DENND2A: variants seen among roughly 807,000 people sequenced by gnomAD.
The protein encoded by DENND2A is DENN domain-containing protein 2A.
DENND2A carries 53 observed loss-of-function variants against 105.3 expected under a neutral mutation model. The ratio of observed to expected loss-of-function variants is 0.50; its 90% confidence interval spans 0.40 to 0.63. DENND2A has a LOEUF of 0.63. DENND2A is among the 30% of genes least tolerant of loss of function. DENND2A has a pLI of 0.00. For synonymous variants in DENND2A, 522 were observed against 508.4 expected (o/e 1.03, Z -0.36); for missense variants, 1,138 against 1,279.6 (o/e 0.89, Z 1.69).
chr7:140,610,025 G>A (rs375582256), intron 1 of DENND2A: 2 of 152,114 alleles, frequency 1.3e-5, no homozygotes, highest in Non-Finnish European at 2.9e-5. Context: ...GAGTACAGTG[G>A]TGTGATGATG....
At chr7:140,597,128 AAAG>A (rs1799314764) in intron 3 of DENND2A, among the ~76,000 whole-genome samples, 1 of 152,222 alleles carries the variant, frequency 6.6e-6, no homozygotes, top group Non-Finnish European at 1.5e-5. Context: ...AGAAAAGAAA[AAAG>A]AAGAGAGAGA....
intron 13 of DENND2A, 69 bp downstream of exon 13, chr7:140,546,730 C>T: frequency 6.3e-7 from 1 of 1,583,634 alleles, no homozygotes; most frequent in Non-Finnish European, 8.6e-7. Flanking sequence ...GGCAGCCCCT[C>T]TGAGCACGGA....
intron 1 of DENND2A, among the ~76,000 whole-genome samples, chr7:140,623,621 G>A (rs1284720113): frequency 3.3e-5 from 5 of 151,668 alleles, no homozygotes; most frequent in African/African-American, 4.8e-5. Flanking sequence ...CCAGCTACTC[G>A]GGAGGCTGAG....
At position 140,616,951 on chromosome 7, in the gene DENND2A, G is replaced by A. The variant is rs530860933; in HGVS notation, c.-247-11145C>T. On this transcript the variant is annotated intron_variant, in intron 1 of 19. Transcript: ENST00000496613. ...CAGCTCACTGCAACCTCTGCCACCC[G>A]GGTTCAAGCGATTCTTGTGCCTCAG... Among the ~76,000 whole-genome samples the A allele has an allele frequency of 5.3e-4, 81 of 152,272 alleles. 1 individual carries two copies. The highest frequency in any genetic ancestry group is 1.8e-3 in the African/African-American group (74 of 41,554).
intron 11 of DENND2A, among the ~76,000 whole-genome samples, chr7:140,557,415 G>A (rs1295656926): frequency 1.4e-5 from 2 of 146,252 alleles, no homozygotes; most frequent in South Asian, 4.5e-4. Flanking sequence ...TGAAATAAAA[G>A]TATTTTCTTT....
intron 12 of DENND2A, among the ~76,000 whole-genome samples, chr7:140,548,709 G>A (rs985164818): frequency 6.6e-6 from 1 of 150,480 alleles, no homozygotes; most frequent in Non-Finnish European, 1.5e-5. Context: ...TGCCTCCTGG[G>A]TTCAAGCAAT....
chr7:140,542,413 G>T (rs1796700189), intron 14 of DENND2A, among the ~76,000 whole-genome samples: 1 of 152,040 alleles, frequency 6.6e-6, no homozygotes, highest in Non-Finnish European at 1.5e-5. Flanking sequence ...GGTGAGGAGG[G>T]ATGCCCTCAC....
intron 1 of DENND2A, among the ~76,000 whole-genome samples, chr7:140,632,879 T>TC (rs1800781430): frequency 6.9e-6 from 1 of 144,724 alleles, no homozygotes; most frequent in African/African-American, 2.6e-5. Flanking sequence ...TTTTTTTTTT[T>TC]TTGAGACAGT....
At position 140,602,499 on chromosome 7, in the gene DENND2A, G is replaced by A; in HGVS notation, c.-102C>T. The A allele has an allele frequency of 7.7e-7, 1 of 1,297,446 alleles. No individual in the cohort carries two copies. Among genetic ancestry groups the A allele is most frequent in the Non-Finnish European group, 1.0e-6 (1 of 976,076 alleles). The allele number at this position is 1,297,446 out of a possible 1,614,324, so 80.4% of individuals were successfully genotyped here. On this transcript the variant is annotated 5_prime_UTR_variant, in exon 3 of 20. Transcript: ENST00000496613. ...AATGGAATGGAGGACTAAAGTGGAT[G>A]CCTTCGAGGGTCTTTCTCAGTCCTT... is the stretch of plus-strand genomic sequence containing the variant.
At chr7:140,570,944 C>G (rs1798068527) in intron 6 of DENND2A, among the ~76,000 whole-genome samples, 1 of 152,148 alleles carries the variant, frequency 6.6e-6, no homozygotes, top group Non-Finnish European at 1.5e-5. Context: ...TTTGCTGGGT[C>G]CCCCAGGGCT....
At chr7:140,620,807 G>C (rs965422026) in intron 1 of DENND2A, among the ~76,000 whole-genome samples, 1 of 151,910 alleles carries the variant, frequency 6.6e-6, no homozygotes, top group Non-Finnish European at 1.5e-5. Flanking sequence ...CCAAGATTTA[G>C]ATCCTGTTCT....
At chr7:140,540,998 G>A (rs527770426) in intron 14 of DENND2A, among the ~76,000 whole-genome samples, 2 of 152,230 alleles carry the variant, frequency 1.3e-5, no homozygotes, top group South Asian at 2.1e-4. Flanking sequence ...GATTACAGGC[G>A]TGAGCCACTG....
chr7:140,542,980 C>T (rs1285747361), intron 14 of DENND2A, among the ~76,000 whole-genome samples: 2 of 152,108 alleles, frequency 1.3e-5, no homozygotes, highest in Non-Finnish European at 2.9e-5. Flanking sequence ...GCCCTCAGAA[C>T]TCGCCTCCCT....
chr7:140,521,727 G>A, intron 18 of DENND2A, 128 bp downstream of exon 18: 1 of 1,463,948 alleles, frequency 6.8e-7, no homozygotes, highest in Non-Finnish European at 9.2e-7. Flanking sequence ...ATAACTGCAA[G>A]CTCTCTGGGG....
rs1362233676 is a variant in DENND2A at position 140,527,621 on chromosome 7, G to T, written c.2328-126C>A. On this transcript the variant is annotated intron_variant, in intron 14 of 19. Transcript: ENST00000496613. The surrounding 1 kb of genome is among the most constrained non-coding windows in gnomAD (Gnocchi z 4.9). ...GGACACACGTGGATGTGGATCCGGT[G>T]GAGCACATGATGGTCTCAGCACAGG... 1.9e-6 allele frequency: 2 copies of T among 1,027,590 alleles called. No individual in the cohort carries two copies. The highest frequency in any genetic ancestry group is 1.7e-5 in the South Asian group (1 of 60,232). 63.7% of individuals were successfully genotyped at this position (1,027,590 alleles called of 1,614,324 possible). A position where few individuals can be genotyped will look rare whatever the true frequency, so the allele number is the denominator to read the frequency against.
chr7:140,636,585 A>G (rs1044621738), intron 1 of DENND2A, among the ~76,000 whole-genome samples: 1 of 151,434 alleles, frequency 6.6e-6, no homozygotes, highest in African/African-American at 2.4e-5. Flanking sequence ...GCCACTCTCA[A>G]CCTCAGCTGT....
intron 8 of DENND2A, among the ~76,000 whole-genome samples, chr7:140,567,589 G>C (rs1033370924): frequency 1.3e-5 from 2 of 152,310 alleles, no homozygotes; most frequent in Admixed American, 1.3e-4. Context: ...TGGTTTTGCT[G>C]TCTGGACTCT....
At chr7:140,616,305 T>C (rs1201488254) in intron 1 of DENND2A, among the ~76,000 whole-genome samples, 1 of 152,080 alleles carries the variant, frequency 6.6e-6, no homozygotes, top group African/African-American at 2.4e-5. Flanking sequence ...GAGGTGGCAG[T>C]GAGCTGAGAT....
chr7:140,620,730 A>G (rs892282384), intron 1 of DENND2A, among the ~76,000 whole-genome samples: 4 of 152,196 alleles, frequency 2.6e-5, no homozygotes, highest in African/African-American at 9.7e-5. Context: ...TTGCTTTGCC[A>G]TCATATCTCC....
Sources: gnomAD v4.1 joint callset for allele counts (sites outside exome capture counted in the v4.1 genomes callset) on GRCh38, gnomAD v4.1.1 for gene constraint, Gnocchi (gnomAD v3.1) non-coding constraint, MANE v1.5 for transcripts, NCBI Gene and HGNC (gene_info 2026-07-23, HGNC 2026-07-21) for gene names.